Variants in PGM5 observed in about 807,000 individuals in gnomAD.
PGM5 encodes the protein phosphoglucomutase 5.
Under a neutral mutation model 59.2 loss-of-function variants are expected in PGM5, and 23 were observed. That is an observed-to-expected ratio of 0.39 (90% CI 0.28 to 0.55). The LOEUF is 0.55. Among genes scored for constraint, PGM5 ranks in the 20% least tolerant of loss-of-function variants. PGM5 has a pLI of 0.66. For synonymous variants in PGM5, 214 were observed against 286.0 expected (o/e 0.75, Z 2.54); for missense variants, 574 against 748.3 (o/e 0.77, Z 2.72).
intron 6 of PGM5, among the ~76,000 whole-genome samples, chr9:68,398,877 T>G (rs1233332613): frequency 6.6e-6 from 1 of 152,196 alleles, no homozygotes; most frequent in Non-Finnish European, 1.5e-5. Flanking sequence ...TACTCATCGT[T>G]GAACAATCCT....
intron 6 of PGM5, among the ~76,000 whole-genome samples, chr9:68,403,227 C>T (rs1232656735): frequency 6.6e-6 from 1 of 152,160 alleles, no homozygotes; most frequent in Admixed American, 6.5e-5. Flanking sequence ...GTCTAGGTTG[C>T]ATGCTCCTTG....
At chr9:68,379,941 C>G (rs1822024912) in intron 2 of PGM5, among the ~76,000 whole-genome samples, 1 of 151,820 alleles carries the variant, frequency 6.6e-6, no homozygotes, top group Non-Finnish European at 1.5e-5. Context: ...CATTGAAGCA[C>G]TTAAATATGT....
At chr9:68,393,610 T>A (rs1173492433) in intron 6 of PGM5, among the ~76,000 whole-genome samples, 2 of 152,052 alleles carry the variant, frequency 1.3e-5, no homozygotes, top group Non-Finnish European at 2.9e-5. Context: ...CAACCAGGTG[T>A]AGTGGCATGT....
chr9:68,411,351 A>G (rs1822925938), intron 6 of PGM5, among the ~76,000 whole-genome samples: 1 of 151,518 alleles, frequency 6.6e-6, no homozygotes, highest in African/African-American at 2.4e-5. Context: ...ATAGAGACAT[A>G]CAGCGACCCT....
intron 6 of PGM5, among the ~76,000 whole-genome samples, chr9:68,422,266 G>A (rs1260377393): frequency 6.6e-6 from 1 of 151,956 alleles, no homozygotes; most frequent in Non-Finnish European, 1.5e-5. Context: ...CTATATGGGG[G>A]GTTTGCCTGG....
chr9:68,357,528 C>T lies in PGM5; in HGVS notation c.261+140C>T, dbSNP rs1364814260. On this transcript the variant is annotated intron_variant, in intron 1 of 10. Transcript: ENST00000396396. Reference sequence around the variant, plus strand: ...TGCTACCTCACTCCCGCGTCCTCACCCTCCAGCGCCCCACTCCCGCCGCGC... The same window carrying T: ...TGCTACCTCACTCCCGCGTCCTCACTCTCCAGCGCCCCACTCCCGCCGCGC... 15 of 1,464,192 alleles carry T rather than the reference C, an allele frequency of 1.0e-5. No homozygotes were observed. In the African/African-American group the frequency reaches 1.5e-4, roughly 15 times the overall value. 90.7% of individuals were successfully genotyped at this position (1,464,192 alleles called of 1,614,324 possible). A position where few individuals can be genotyped will look rare whatever the true frequency, so the allele number is the denominator to read the frequency against.
intron 10 of PGM5, among the ~76,000 whole-genome samples, chr9:68,514,609 A>C (rs559629828): frequency 1.3e-5 from 2 of 152,290 alleles, no homozygotes; most frequent in African/African-American, 4.8e-5. Flanking sequence ...CATCTCAAAA[A>C]AACAAGCAAA....
intron 6 of PGM5, among the ~76,000 whole-genome samples, chr9:68,446,708 A>C (rs1300202444): frequency 6.6e-6 from 1 of 152,188 alleles, no homozygotes; most frequent in African/African-American, 2.4e-5. Flanking sequence ...CTCTGCATAT[A>C]CTTTGGCTTC....
intron 6 of PGM5, among the ~76,000 whole-genome samples, chr9:68,423,864 G>C (rs1823190034): frequency 6.6e-6 from 1 of 152,136 alleles, no homozygotes; most frequent in Admixed American, 6.5e-5. Flanking sequence ...GGAAGGAGCA[G>C]GAAGTGGACA....
intron 10 of PGM5, among the ~76,000 whole-genome samples, chr9:68,519,886 C>T (rs893828439): frequency 7.0e-6 from 1 of 142,082 alleles, no homozygotes; most frequent in African/African-American, 2.7e-5. Context: ...CATAAGGAGA[C>T]CTTGTCTTTA....
intron 10 of PGM5, among the ~76,000 whole-genome samples, chr9:68,499,667 G>C (rs1824540934): frequency 6.6e-6 from 1 of 152,192 alleles, no homozygotes; most frequent in African/African-American, 2.4e-5. Flanking sequence ...TATAGACAAG[G>C]AAATTTAGCG....
In PGM5 at chr9:68,384,563, T is replaced by C; in HGVS notation, c.571+19T>C. 6.3e-7 allele frequency: 1 copy of C among 1,585,176 alleles called. No individual in the cohort carries two copies. Among genetic ancestry groups the C allele is most frequent in the Non-Finnish European group, 8.6e-7 (1 of 1,159,642 alleles). On this transcript the variant is annotated intron_variant, in intron 3 of 10. Coordinates refer to ENST00000396396, the MANE Select transcript of PGM5 (RefSeq NM_021965.4). Reference sequence around the variant, plus strand: ...TTCAGAGGTAACAGAGATTTTATTTTGAAGAAGTCAGAGTAACTATGTGGA... The same window carrying C: ...TTCAGAGGTAACAGAGATTTTATTTCGAAGAAGTCAGAGTAACTATGTGGA...
chr9:68,460,868 G>A (rs570711468), intron 6 of PGM5, among the ~76,000 whole-genome samples: 15 of 152,248 alleles, frequency 9.9e-5, no homozygotes, highest in African/African-American at 3.6e-4. Context: ...TGGTGGTGGT[G>A]ATAGTGTTTG....
intron 6 of PGM5, among the ~76,000 whole-genome samples, chr9:68,456,579 A>G (rs1554684885): frequency 2.0e-5 from 3 of 148,930 alleles, no homozygotes; most frequent in African/African-American, 7.5e-5. Flanking sequence ...TTGGCCTCCC[A>G]AAGTGCTGGG....
intron 1 of PGM5, among the ~76,000 whole-genome samples, chr9:68,358,807 G>T (rs1428116272): frequency 6.6e-6 from 1 of 151,948 alleles, no homozygotes; most frequent in Non-Finnish European, 1.5e-5. Context: ...GTGGTGTTGG[G>T]GTGGGTAGTG....
chr9:68,471,443 T>G (rs1298505853), intron 7 of PGM5, among the ~76,000 whole-genome samples: 2 of 151,628 alleles, frequency 1.3e-5, no homozygotes, highest in Non-Finnish European at 2.9e-5. Context: ...AAGTGACAGG[T>G]CTTCAACCTT....
intron 7 of PGM5, among the ~76,000 whole-genome samples, chr9:68,473,027 C>T (rs1378249294): frequency 3.3e-5 from 5 of 152,010 alleles, no homozygotes; most frequent in Non-Finnish European, 7.4e-5. Context: ...GTGAGCCTTG[C>T]TTTTTCACCT....
intron 7 of PGM5, 137 bp downstream of exon 7, chr9:68,465,345 G>C: frequency 1.6e-6 from 1 of 608,958 alleles, no homozygotes; most frequent in Non-Finnish European, 3.0e-6. Context: ...ACCTAGTAGA[G>C]TATGTGCTGT....
intron 6 of PGM5, among the ~76,000 whole-genome samples, chr9:68,420,717 G>A (rs1554682286): frequency 6.6e-6 from 1 of 152,172 alleles, no homozygotes; most frequent in Non-Finnish European, 1.5e-5. Flanking sequence ...ACCTTCAGAT[G>A]TTCGTCGGGA....
Sources: allele counts gnomAD v4.1 joint callset (sites outside exome capture counted in the v4.1 genomes callset), GRCh38; gene constraint gnomAD v4.1.1; transcripts MANE v1.5; gene names NCBI Gene and HGNC (gene_info 2026-07-23, HGNC 2026-07-21).